The following EPHB1 variants were observed in gnomAD, a reference collection of about 807,000 sequenced individuals.
EPHB1 encodes the protein EPH receptor B1, also known as ephrin type-B receptor 1.
In EPHB1, 30 loss-of-function variants were observed where a neutral mutation model predicts 94.4. The observed-to-expected ratio is 0.32, with a 90% CI of 0.24 to 0.43. The LOEUF (loss-of-function observed/expected upper bound fraction) is 0.43, where lower values mean the gene tolerates loss of function less well. EPHB1 is among the 20% of genes least tolerant of loss of function. The pLI, the probability that EPHB1 is intolerant of heterozygous loss-of-function variation, is 1.00. For missense variants in EPHB1, 1,055 were observed against 1,308.3 expected (o/e 0.81, Z 2.99); for synonymous variants, 522 against 489.1 (o/e 1.07, Z -0.89).
At chr3:135,072,418 T>C (rs902167789) in intron 3 of EPHB1, among the ~76,000 whole-genome samples, 3 of 152,054 alleles carry the variant, frequency 2.0e-5, no homozygotes, top group Non-Finnish European at 4.4e-5. Context: ...AACAGCCACT[T>C]TCCTCTTTAA....
intron 1 of EPHB1, among the ~76,000 whole-genome samples, chr3:134,906,507 A>G (rs1024100011): frequency 6.6e-6 from 1 of 152,196 alleles, no homozygotes; most frequent in African/African-American, 2.4e-5. Flanking sequence ...ACAAGTTTTA[A>G]ATATCACTGA....
At chr3:134,952,199 G>A (rs760526818) in intron 3 of EPHB1, 147 bp downstream of exon 3, 133 of 818,930 alleles carry the variant, frequency 1.6e-4, no homozygotes, top group Non-Finnish European at 2.3e-4. Flanking sequence ...CCTAGTGCTA[G>A]GCCTGATGAT....
At chr3:135,185,924 C>T (rs996586733) in intron 10 of EPHB1, among the ~76,000 whole-genome samples, 21 of 152,304 alleles carry the variant, frequency 1.4e-4, no homozygotes, top group African/African-American at 4.8e-4. Flanking sequence ...AAGACTGTCC[C>T]ACATGCCCTG....
chr3:134,882,773 TC>T (rs1241778483), intron 1 of EPHB1, among the ~76,000 whole-genome samples: 1 of 51,540 alleles, frequency 1.9e-5, no homozygotes, highest in East Asian at 3.6e-4. Context: ...TTCCTTTCTT[TC>T]TTTCTTTCTT....
At chr3:135,134,849 G>T (rs1245149222) in intron 5 of EPHB1, among the ~76,000 whole-genome samples, 1 of 152,084 alleles carries the variant, frequency 6.6e-6, no homozygotes, top group Non-Finnish European at 1.5e-5. Flanking sequence ...CTCTAAGCAT[G>T]TGCGAACAAA....
chr3:134,957,806 T>C (rs904758842), intron 3 of EPHB1, among the ~76,000 whole-genome samples: 14 of 152,238 alleles, frequency 9.2e-5, no homozygotes, highest in African/African-American at 3.1e-4. Flanking sequence ...GGCCTACAAA[T>C]TGGGGCTGGG....
rs993701565 is a variant in EPHB1 at position 134,865,413 on chromosome 3, T to A, written c.59-60403T>A. ...GAGTGTAAATTAGCACAGTTCTTAA[T>A]AAGGATCTTTTGGCAATATCTATCA... is the stretch of plus-strand genomic sequence containing the variant. On this transcript the variant is annotated intron_variant, in intron 1 of 15. Transcript: ENST00000398015. Among the ~76,000 whole-genome samples the A allele has an allele frequency of 4.6e-5, 7 of 152,266 alleles. No homozygotes were observed. The East Asian group carries it at 1.4e-3, about 29-fold the overall frequency.
chr3:134,969,756 A>G (rs541074506), intron 3 of EPHB1, among the ~76,000 whole-genome samples: 56 of 152,328 alleles, frequency 3.7e-4, no homozygotes, highest in African/African-American at 1.3e-3. Context: ...TGTTGGATGC[A>G]CATGAGAAGA....
At chr3:134,895,390 CAGA>C (rs1353697801) in intron 1 of EPHB1, among the ~76,000 whole-genome samples, 3 of 152,184 alleles carry the variant, frequency 2.0e-5, no homozygotes, top group Non-Finnish European at 4.4e-5. Context: ...GTGTCCTGTG[CAGA>C]AGGAGTGTGT....
At chr3:134,945,262 T>C (rs2039195781) in intron 2 of EPHB1, among the ~76,000 whole-genome samples, 1 of 152,202 alleles carries the variant, frequency 6.6e-6, no homozygotes, top group East Asian at 1.9e-4. Context: ...TGTATAGAGA[T>C]GAATTTATCA....
At position 134,795,502 on chromosome 3, in the gene EPHB1, C is replaced by G. The variant is rs1475123743; in HGVS notation, c.-130C>G. ...ACGCCCACGCAGCGCTCCGGGAAGT[C>G]CGGTCCGGGCGAGAGCGCGAAAGGA... On this transcript the variant is annotated 5_prime_UTR_variant, in exon 1 of 16. Transcript: ENST00000398015. 1 of 880,436 alleles carries G rather than the reference C, an allele frequency of 1.1e-6. No individual in the cohort carries two copies. Among genetic ancestry groups the G allele is most frequent in the Non-Finnish European group, 1.7e-6 (1 of 588,082 alleles). The allele number at this position is 880,436 out of a possible 1,614,324, so 54.5% of individuals were successfully genotyped here. A position where few individuals can be genotyped will look rare whatever the true frequency, so the allele number is the denominator to read the frequency against.
intron 12 of EPHB1, among the ~76,000 whole-genome samples, chr3:135,206,382 T>C (rs1009999778): frequency 2.0e-5 from 3 of 152,250 alleles, no homozygotes; most frequent in African/African-American, 4.8e-5. Context: ...ATTCATTTTT[T>C]ATTGAATCAT....
intron 1 of EPHB1, among the ~76,000 whole-genome samples, chr3:134,866,737 A>G (rs1314940339): frequency 2.6e-5 from 4 of 152,202 alleles, no homozygotes; most frequent in Non-Finnish European, 5.9e-5. Context: ...TGATGAAACA[A>G]ATTTGTTTTC....
chr3:134,910,672 G>A (rs2038433735), intron 1 of EPHB1, among the ~76,000 whole-genome samples: 1 of 152,344 alleles, frequency 6.6e-6, no homozygotes, highest in East Asian at 1.9e-4. Flanking sequence ...CATTCCTGCA[G>A]TTGGGAGCAT....
chr3:135,095,270 A>C (rs1165101726), intron 3 of EPHB1, among the ~76,000 whole-genome samples: 1 of 152,132 alleles, frequency 6.6e-6, no homozygotes, highest in Non-Finnish European at 1.5e-5. Context: ...AGCGGACAAC[A>C]GGTTGCAGTC....
At chr3:135,226,023 C>A (rs1943388328) in intron 12 of EPHB1, among the ~76,000 whole-genome samples, 1 of 152,214 alleles carries the variant, frequency 6.6e-6, no homozygotes, top group Non-Finnish European at 1.5e-5. Context: ...AGGTAAGATG[C>A]AAGCAGCATT....
intron 12 of EPHB1, among the ~76,000 whole-genome samples, chr3:135,217,869 TC>T (rs1175496695): frequency 6.6e-6 from 1 of 152,218 alleles, no homozygotes; most frequent in Non-Finnish European, 1.5e-5. Flanking sequence ...GTCGGGTCGA[TC>T]CATCTGCCTG....
intron 1 of EPHB1, among the ~76,000 whole-genome samples, chr3:134,901,761 G>C (rs2038209037): frequency 6.6e-6 from 1 of 152,220 alleles, no homozygotes; most frequent in Non-Finnish European, 1.5e-5. Flanking sequence ...GAGCTGTGTG[G>C]GTGGCCAGGG....
In EPHB1 at chr3:135,223,992, A is replaced by G. The variant is rs538468750; in HGVS notation, c.2347-17156A>G. ...TGTTTTGGTCAGCGACAAATCACATATACAATGCTGCTCCCATATTATATT... is the reference window on the plus strand; with the variant it reads ...TGTTTTGGTCAGCGACAAATCACATGTACAATGCTGCTCCCATATTATATT... On this transcript the variant is annotated intron_variant, in intron 12 of 15. Coordinates refer to ENST00000398015, the MANE Select transcript of EPHB1 (RefSeq NM_004441.5). Among the ~76,000 whole-genome samples, 603 of 152,356 alleles carry G rather than the reference A, an allele frequency of 4.0e-3. 4 individuals carry two copies. The highest frequency in any genetic ancestry group is 7.4e-3 in the Non-Finnish European group (503 of 68,026).
Sources: allele counts gnomAD v4.1 joint callset (sites outside exome capture counted in the v4.1 genomes callset), GRCh38; gene constraint gnomAD v4.1.1; transcripts MANE v1.5; gene names NCBI Gene and HGNC (gene_info 2026-07-23, HGNC 2026-07-21).